Variants in RAC3 observed in about 807,000 individuals in gnomAD.
RAC3 encodes the protein Rac family small GTPase 3.
Under a neutral mutation model 19.0 loss-of-function variants are expected in RAC3, and 9 were observed. The ratio of observed to expected loss-of-function variants is 0.47; its 90% confidence interval spans 0.29 to 0.83. The LOEUF is 0.83. Among genes scored for constraint, RAC3 ranks in the 40% least tolerant of loss-of-function variants. RAC3 has a pLI of 0.09. For synonymous variants in RAC3, 146 were observed against 111.8 expected, an observed-to-expected ratio of 1.31 and a Z score of -1.93; for missense variants, 203 against 260.8, an observed-to-expected ratio of 0.78 and a Z score of 1.53.
At chr17:82,032,690 C>G (rs972143566) in intron 2 of RAC3, 21 bp from the exon 3 acceptor site, 1 of 1,607,606 alleles carries the variant, frequency 6.2e-7, no homozygotes, top group African/African-American at 1.3e-5. Flanking sequence ...AAGCCCTGAC[C>G]CTGCCCTCAC....
rs983927113 is a variant in RAC3 at position 82,031,746 on chromosome 17, C to T, written c.-16C>T. 127 of 993,104 alleles carry T rather than the reference C, an allele frequency of 1.3e-4. No homozygotes were observed. The highest frequency in any genetic ancestry group is 1.1e-3 in the African/African-American group (64 of 56,860). The allele number at this position is 993,104 out of a possible 1,614,324, so 61.5% of individuals were successfully genotyped here. Reference sequence around the variant, plus strand: ...CTCGGCTCGCGGCCGCGCCCGCCGCCGCCCGGCCCGCGCCCATGCAGGCCA... The same window carrying T: ...CTCGGCTCGCGGCCGCGCCCGCCGCTGCCCGGCCCGCGCCCATGCAGGCCA... On this transcript the variant is annotated 5_prime_UTR_variant, in exon 1 of 6. Coordinates refer to ENST00000306897, the MANE Select transcript of RAC3 (RefSeq NM_005052.3).
Position 82,033,899 on chromosome 17 carries a change from CGTGTG to C in RAC3, c.*75_*79del. 1 of 1,445,520 alleles carries C rather than the reference CGTGTG, an allele frequency of 6.9e-7. No homozygotes were observed. The highest frequency in any genetic ancestry group is 9.2e-7 in the Non-Finnish European group (1 of 1,081,974). 89.5% of individuals were successfully genotyped at this position (1,445,520 alleles called of 1,614,324 possible). ...GGACGTGTCCGCTGTTGTGTTGAGA[CGTGTG>C]GTGTCCCTGAGTCGGCTGTGGGGAG... On this transcript the variant is annotated 3_prime_UTR_variant, in exon 6 of 6. Transcript: ENST00000306897. The surrounding 1 kb of genome is among the most constrained non-coding windows in gnomAD (Gnocchi z 6.2).
chr17:82,033,054 G>C lies in RAC3; in HGVS notation c.288+45G>C. 3.2e-6 allele frequency: 5 copies of C among 1,562,392 alleles called. No homozygotes were observed. Among genetic ancestry groups the C allele is most frequent in the Middle Eastern group, 1.7e-4 (1 of 5,904 alleles). On this transcript the variant is annotated intron_variant, in intron 4 of 5. Transcript: ENST00000306897. This position sits in a 1 kb window ranked among gnomAD's most constrained non-coding sequence, Gnocchi z 6.2. ...CCCTGTGGGGAGAGGGCTTGCCCCAGTACCTGCCCCGACAAGTTGTCCTTT... is the reference window on the plus strand; with the variant it reads ...CCCTGTGGGGAGAGGGCTTGCCCCACTACCTGCCCCGACAAGTTGTCCTTT...
intron 1 of RAC3, chr17:82,032,107 G>A (rs1358255260): frequency 4.1e-6 from 2 of 486,120 alleles, no homozygotes; most frequent in East Asian, 3.6e-5. Context: ...TGAACCCTCA[G>A]CCGGCCCCAC....
Position 82,033,517 on chromosome 17 carries a change from C to A in RAC3, c.366C>A (p.Asp122Glu). The part of the protein sequence containing the change: ...LVGTKLDLRD[D>E]KDTIERLRDK... Reference sequence around the variant, plus strand: ...GCACCAAGCTGGACCTCCGCGACGACAAGGACACCATTGAGCGGCTGCGGG... The same window carrying A: ...GCACCAAGCTGGACCTCCGCGACGAAAAGGACACCATTGAGCGGCTGCGGG... Residue 122 changes from aspartate to glutamate, a missense_variant, in exon 5 of 6, where the codon GAC (aspartate) becomes GAA (glutamate). Physicochemically the swap from Asp to Glu is conservative, Grantham distance 45. Coordinates refer to ENST00000306897, the MANE Select transcript of RAC3 (RefSeq NM_005052.3). The surrounding 1 kb of genome is among the most constrained non-coding windows in gnomAD (Gnocchi z 6.2). 6.2e-7 allele frequency: 1 copy of A among 1,612,958 alleles called. No homozygotes were observed. Among genetic ancestry groups the A allele is most frequent in the Non-Finnish European group, 8.5e-7 (1 of 1,179,836 alleles).
chr17:82,032,686 T>C (rs1382560073), intron 2 of RAC3, 25 bp from the exon 3 acceptor site: 1 of 1,605,492 alleles, frequency 6.2e-7, no homozygotes, highest in African/African-American at 1.3e-5. Flanking sequence ...TCCCAAGCCC[T>C]GACCCTGCCC....
Position 82,033,621 on chromosome 17 carries a change from G to T in RAC3, c.448+22G>T. On this transcript the variant is annotated intron_variant, in intron 5 of 5. Transcript: ENST00000306897. The surrounding 1 kb of genome is among the most constrained non-coding windows in gnomAD (Gnocchi z 6.2). ...ATTGGTGGGTAGGCGCTGGCGGCCT[G>T]CAGGGGAGGGGTGGGGAGGCGCAGT... 1 of 1,603,780 alleles carries T rather than the reference G, an allele frequency of 6.2e-7. No individual in the cohort carries two copies. Among genetic ancestry groups the T allele is most frequent in the African/African-American group, 1.3e-5 (1 of 74,826 alleles).
intron 2 of RAC3, 99 bp from the exon 3 acceptor site, chr17:82,032,612 A>G: frequency 6.9e-7 from 1 of 1,439,074 alleles, no homozygotes; most frequent in Non-Finnish European, 9.7e-7. Context: ...CCAGAGTTCT[A>G]GTTCTGTGCA....
rs1277461670 is a variant in RAC3, at chr17:82,033,953, G to A, written c.*124G>A. ...AGCGGTGGGGGTGGGCCGGGGGGAA[G>A]CATGGGGATGAGGCTGGGTGGCAGG... On this transcript the variant is annotated 3_prime_UTR_variant, in exon 6 of 6. Coordinates refer to ENST00000306897, the MANE Select transcript of RAC3 (RefSeq NM_005052.3). The surrounding 1 kb of genome is among the most constrained non-coding windows in gnomAD (Gnocchi z 6.2). 3 of 1,283,820 alleles carry A rather than the reference G, an allele frequency of 2.3e-6. No individual in the cohort carries two copies. Among genetic ancestry groups the A allele is most frequent in the East Asian group, 2.6e-5 (1 of 38,780 alleles). 79.5% of individuals were successfully genotyped at this position (1,283,820 alleles called of 1,614,324 possible). A position where few individuals can be genotyped will look rare whatever the true frequency, so the allele number is the denominator to read the frequency against.
Position 82,033,961 on chromosome 17 carries a change from A to G in RAC3, c.*132A>G. On this transcript the variant is annotated 3_prime_UTR_variant, in exon 6 of 6. Transcript: ENST00000306897. The surrounding 1 kb of genome is among the most constrained non-coding windows in gnomAD (Gnocchi z 6.2). The stretch of plus-strand genomic sequence containing the variant: ...GGGTGGGCCGGGGGGAAGCATGGGG[A>G]TGAGGCTGGGTGGCAGGATCCTGTC... 2 of 1,242,704 alleles carry G rather than the reference A, an allele frequency of 1.6e-6. No homozygotes were observed. The highest frequency in any genetic ancestry group is 1.1e-6 in the Non-Finnish European group (1 of 910,394). The allele number at this position is 1,242,704 out of a possible 1,614,324, so 77.0% of individuals were successfully genotyped here.
chr17:82,033,704 G>A lies in RAC3; in HGVS notation c.454G>A (p.Val152Met), dbSNP rs1300561900. The change falls in exon 6 of 6, where the codon GTG (valine) becomes ATG (methionine). Residue 152 changes from valine (V) to methionine (M), a missense_variant. This residue lies in a region of RAC3 where 142 missense variants were observed against 158.2 expected (regional missense o/e 0.90). Transcript: ENST00000306897. The surrounding 1 kb of genome is among the most constrained non-coding windows in gnomAD (Gnocchi z 6.2). The part of the protein sequence containing the change: ...GLAMAREIGS[V>M]KYLECSALTQ... ...CCCCTCCTCACTGCCGCTAGGCTCT[G>A]TGAAATACCTGGAGTGCTCAGCCCT... 2.9e-5 allele frequency: 47 copies of A among 1,612,464 alleles called. No individual in the cohort carries two copies. Among genetic ancestry groups the A allele is most frequent in the Non-Finnish European group, 3.8e-5 (45 of 1,179,472 alleles).
intron 2 of RAC3, 34 bp from the exon 3 acceptor site, chr17:82,032,677 C>T: frequency 6.3e-7 from 1 of 1,597,112 alleles, no homozygotes; most frequent in South Asian, 1.1e-5. Context: ...TGGGACCCCT[C>T]CCAAGCCCTG....
rs764971756 is a variant in RAC3, at chr17:82,033,260, C to T, written c.289-180C>T. Among the ~76,000 whole-genome samples, 1 of 152,292 alleles carries T rather than the reference C, an allele frequency of 6.6e-6. No homozygotes were observed. Among genetic ancestry groups the T allele is most frequent in the Non-Finnish European group, 1.5e-5 (1 of 68,012 alleles). On this transcript the variant is annotated intron_variant, in intron 4 of 5. Transcript: ENST00000306897. This position sits in a 1 kb window ranked among gnomAD's most constrained non-coding sequence, Gnocchi z 6.2. ...AGGCCCTGGGAGGTCTCCAGGTTCC[C>T]TGGCTGCGTGTTTGTTCCTGGTATC... is the stretch of plus-strand genomic sequence containing the variant.
chr17:82,033,105 C>T lies in RAC3; in HGVS notation c.288+96C>T. On this transcript the variant is annotated intron_variant, in intron 4 of 5. Transcript: ENST00000306897. The surrounding 1 kb of genome is among the most constrained non-coding windows in gnomAD (Gnocchi z 6.2). ...AGAGGCAATTGCGATACGGGTTCTG[C>T]CTGGGGTAGGCACACGGAGTGGGGT... 1 of 1,359,764 alleles carries T rather than the reference C, an allele frequency of 7.4e-7. No homozygotes were observed. Among genetic ancestry groups the T allele is most frequent in the Non-Finnish European group, 1.0e-6 (1 of 964,358 alleles). 84.2% of individuals were successfully genotyped at this position (1,359,764 alleles called of 1,614,324 possible). A position where few individuals can be genotyped will look rare whatever the true frequency, so the allele number is the denominator to read the frequency against.
Position 82,033,372 on chromosome 17 carries a change from G to T in RAC3, c.289-68G>T. On this transcript the variant is annotated intron_variant, in intron 4 of 5. Transcript: ENST00000306897. This position sits in a 1 kb window ranked among gnomAD's most constrained non-coding sequence, Gnocchi z 6.2. ...ACAGTGGGGAAAGTCCCTGAGGGCCGTGACTTGCTCAGGTGGGGCTGGGGT... is the reference window on the plus strand; with the variant it reads ...ACAGTGGGGAAAGTCCCTGAGGGCCTTGACTTGCTCAGGTGGGGCTGGGGT... The T allele has an allele frequency of 6.8e-7, 1 of 1,474,712 alleles. No homozygotes were observed. The highest frequency in any genetic ancestry group is 9.0e-7 in the Non-Finnish European group (1 of 1,107,720). 91.4% of individuals were successfully genotyped at this position (1,474,712 alleles called of 1,614,324 possible).
At position 82,033,989 on chromosome 17, in the gene RAC3, C is replaced by T. The variant is rs1183245884; in HGVS notation, c.*160C>T. On this transcript the variant is annotated 3_prime_UTR_variant, in exon 6 of 6. Transcript: ENST00000306897. This position sits in a 1 kb window ranked among gnomAD's most constrained non-coding sequence, Gnocchi z 6.2. ...AGGCTGGGTGGCAGGATCCTGTCCT[C>T]TCTGCCGCCTCATTCTGGGGTGTGG... is the stretch of plus-strand genomic sequence containing the variant. 9 of 952,072 alleles carry T rather than the reference C, an allele frequency of 9.5e-6. No individual in the cohort carries two copies. Among genetic ancestry groups the T allele is most frequent in the Middle Eastern group, 3.4e-4 (1 of 2,932 alleles). The allele number at this position is 952,072 out of a possible 1,614,324, so 59.0% of individuals were successfully genotyped here.
In RAC3 at chr17:82,033,399, G is replaced by A; in HGVS notation, c.289-41G>A. ...GACTTGCTCAGGTGGGGCTGGGGTA[G>A]CCGACTCCGGGCCTAGGGATCAGAG... On this transcript the variant is annotated intron_variant, in intron 4 of 5. Transcript: ENST00000306897. This position sits in a 1 kb window ranked among gnomAD's most constrained non-coding sequence, Gnocchi z 6.2. 3 of 1,537,314 alleles carry A rather than the reference G, an allele frequency of 2.0e-6. No individual in the cohort carries two copies. The highest frequency in any genetic ancestry group is 2.6e-6 in the Non-Finnish European group (3 of 1,143,572).
chr17:82,033,910 C>G lies in RAC3; in HGVS notation c.*81C>G. ...CTGTTGTGTTGAGACGTGTGGTGTC[C>G]CTGAGTCGGCTGTGGGGAGCGGTGG... is the stretch of plus-strand genomic sequence containing the variant. On this transcript the variant is annotated 3_prime_UTR_variant, in exon 6 of 6. Coordinates refer to ENST00000306897, the MANE Select transcript of RAC3 (RefSeq NM_005052.3). This position sits in a 1 kb window ranked among gnomAD's most constrained non-coding sequence, Gnocchi z 6.2. The G allele has an allele frequency of 1.3e-6, 2 of 1,490,488 alleles. No homozygotes were observed. Among genetic ancestry groups the G allele is most frequent in the Non-Finnish European group, 1.8e-6 (2 of 1,112,048 alleles). The allele number at this position is 1,490,488 out of a possible 1,614,324, so 92.3% of individuals were successfully genotyped here. A position where few individuals can be genotyped will look rare whatever the true frequency, so the allele number is the denominator to read the frequency against.
In RAC3 at chr17:82,033,062, C is replaced by T. The variant is rs1184280816; in HGVS notation, c.288+53C>T. The T allele has an allele frequency of 6.5e-7, 1 of 1,547,918 alleles. No individual in the cohort carries two copies. Among genetic ancestry groups the T allele is most frequent in the African/African-American group, 1.4e-5 (1 of 73,148 alleles). The stretch of plus-strand genomic sequence containing the variant: ...GGAGAGGGCTTGCCCCAGTACCTGC[C>T]CCGACAAGTTGTCCTTTAGAGGCAA... On this transcript the variant is annotated intron_variant, in intron 4 of 5. Coordinates refer to ENST00000306897, the MANE Select transcript of RAC3 (RefSeq NM_005052.3). The surrounding 1 kb of genome is among the most constrained non-coding windows in gnomAD (Gnocchi z 6.2).
Sources: allele counts gnomAD v4.1 joint callset (sites outside exome capture counted in the v4.1 genomes callset), GRCh38; gene constraint gnomAD v4.1.1; regional missense constraint gnomAD v4.1.1; non-coding constraint Gnocchi (gnomAD v3.1); transcripts MANE v1.5; gene names NCBI Gene and HGNC (gene_info 2026-07-23, HGNC 2026-07-21).